The following USP13 variants were observed in gnomAD, a reference collection of about 807,000 sequenced individuals.
USP13 encodes ubiquitin specific peptidase 13.
A neutral mutation model predicts 107.8 loss-of-function variants in USP13; 68 were observed. The observed-to-expected ratio is 0.63, with a 90% CI of 0.52 to 0.77. The LOEUF is 0.77. Ranked by LOEUF, USP13 falls within the 30% of genes least tolerant of loss-of-function variation. The pLI, the probability that USP13 is intolerant of heterozygous loss-of-function variation, is 0.00. For synonymous variants in USP13, 377 were observed against 389.5 expected (o/e 0.97, Z 0.38); for missense variants, 945 against 1,093.3 (o/e 0.86, Z 1.91).
chr3:179,682,065 G>A, intron 2 of USP13, 62 bp downstream of exon 2: 1 of 1,523,352 alleles, frequency 6.6e-7, no homozygotes, highest in Non-Finnish European at 8.9e-7. Context: ...GTCTCAGTGT[G>A]CTTTCTCACG....
chr3:179,739,415 C>G (rs1268288251), intron 10 of USP13, among the ~76,000 whole-genome samples: 2 of 152,200 alleles, frequency 1.3e-5, no homozygotes, highest in Non-Finnish European at 2.9e-5. Context: ...TGAGCTTGAG[C>G]AGCTCTGCAG....
intron 14 of USP13, 94 bp from the exon 15 acceptor site, chr3:179,754,638 T>A (rs570517810): frequency 4.3e-6 from 6 of 1,398,800 alleles, no homozygotes. Flanking sequence ...ATCCCTTAGC[T>A]CTGTCTAGAC....
Position 179,653,775 on chromosome 3 carries a change from A to G in USP13, c.168+382A>G. The G allele has an allele frequency of 5.4e-6, 1 of 184,452 alleles. No individual in the cohort carries two copies. The highest frequency in any genetic ancestry group is 1.3e-4 in the South Asian group (1 of 7,712). 11.4% of individuals were successfully genotyped at this position (184,452 alleles called of 1,614,324 possible). On this transcript the variant is annotated intron_variant, in intron 1 of 20. Transcript: ENST00000263966. The surrounding 1 kb of genome is among the most constrained non-coding windows in gnomAD (Gnocchi z 4.0). ...GGTAGGTGGACGGGATGATCCCCCC[A>G]CACCCCGGGACACACACAGCCCTTC...
At chr3:179,684,840 G>A (rs985112721) in intron 2 of USP13, among the ~76,000 whole-genome samples, 10 of 149,978 alleles carry the variant, frequency 6.7e-5, no homozygotes, top group Non-Finnish European at 1.3e-4. Flanking sequence ...GAATTTTCCT[G>A]GGTATTTCTA....
At chr3:179,735,413 G>A (rs1324151295) in intron 10 of USP13, among the ~76,000 whole-genome samples, 2 of 147,798 alleles carry the variant, frequency 1.4e-5, no homozygotes, top group African/African-American at 5.1e-5. Context: ...TCCAGAGCCT[G>A]ACCTTTTTTT....
chr3:179,703,158 AAG>A, intron 4 of USP13, among the ~76,000 whole-genome samples: 1 of 152,312 alleles, frequency 6.6e-6, no homozygotes, highest in South Asian at 2.1e-4. Context: ...ATGAAAAAAG[AAG>A]AGAGAATTAT....
intron 2 of USP13, among the ~76,000 whole-genome samples, chr3:179,687,486 C>T (rs1040259774): frequency 1.3e-5 from 2 of 151,050 alleles, no homozygotes; most frequent in Non-Finnish European, 3.0e-5. Flanking sequence ...ATGGAGAAAC[C>T]CTGTCTCTAC....
chr3:179,730,625 A>G lies in USP13; in HGVS notation c.1170A>G (p.Leu390=), dbSNP rs141041980. The G allele has an allele frequency of 5.6e-5, 90 of 1,613,888 alleles. No homozygotes were observed. In the African/African-American group the frequency reaches 1.1e-3, roughly 19 times the overall value. ...TCTCTGTCCTGGCCAGGACTAAGTT[A>G]GGACATGGCCTTCTCTCAGGCCAGT... ...TQDFNTQMTK[L]GHGLLSGQYS... is the part of the protein sequence containing the mutation. Residue 390 remains leucine (L), a synonymous_variant, in exon 10 of 21, where the codon TTA becomes TTG. Transcript: ENST00000263966.
chr3:179,715,791 C>A (rs902061973), intron 6 of USP13, among the ~76,000 whole-genome samples: 1 of 152,152 alleles, frequency 6.6e-6, no homozygotes, highest in African/African-American at 2.4e-5. Flanking sequence ...GTGGACAGAT[C>A]TGCACTGACT....
chr3:179,728,809 G>A (rs1304712196), intron 8 of USP13, among the ~76,000 whole-genome samples: 7 of 152,116 alleles, frequency 4.6e-5, no homozygotes, highest in Non-Finnish European at 1.0e-4. Flanking sequence ...GCGAAACCCC[G>A]TCTCCACCAA....
At chr3:179,659,373 C>T (rs1182649563) in intron 1 of USP13, among the ~76,000 whole-genome samples, 1 of 152,122 alleles carries the variant, frequency 6.6e-6, no homozygotes, top group Non-Finnish European at 1.5e-5. Flanking sequence ...GTATATAGAG[C>T]AGTTTTCAAA....
intron 6 of USP13, among the ~76,000 whole-genome samples, chr3:179,719,399 CG>C (rs1017854896): frequency 2.0e-5 from 3 of 152,056 alleles, no homozygotes; most frequent in African/African-American, 7.2e-5. Flanking sequence ...GAAGGGATGT[CG>C]GGGGCAAGTG....
rs931681147 is a variant in USP13 at position 179,784,938 on chromosome 3, A to T, written c.*797A>T. On this transcript the variant is annotated 3_prime_UTR_variant, in exon 21 of 21. Coordinates refer to ENST00000263966, the MANE Select transcript of USP13 (RefSeq NM_003940.3). ...CCCACTTAGATTTTTAAGGAGTAAA[A>T]AGGGCTGAGTTATGCCTTTAAGTGC... The T allele has an allele frequency of 6.6e-6, 1 of 152,212 alleles. No homozygotes were observed. Among genetic ancestry groups the T allele is most frequent in the African/African-American group, 2.4e-5 (1 of 41,448 alleles). The allele number at this position is 152,212 out of a possible 1,614,324, so 9.4% of individuals were successfully genotyped here.
At chr3:179,753,629 T>C (rs899498549) in intron 14 of USP13, among the ~76,000 whole-genome samples, 3 of 152,210 alleles carry the variant, frequency 2.0e-5, no homozygotes, top group Non-Finnish European at 2.9e-5. Flanking sequence ...TTGATTTTGA[T>C]GGTGAGTTTT....
rs75498037 is a variant in USP13 at position 179,705,270 on chromosome 3, G to A, written c.478-1664G>A. ...ATGATCAGCTCACTGTGCAGGATAT[G>A]AGTGATGTAGATTACAAATTTTGTT... On this transcript the variant is annotated intron_variant, in intron 4 of 20. Coordinates refer to ENST00000263966, the MANE Select transcript of USP13 (RefSeq NM_003940.3). Among the ~76,000 whole-genome samples, 469 of 152,308 alleles carry A rather than the reference G, an allele frequency of 3.1e-3. 2 individuals carry two copies. Among genetic ancestry groups the A allele is most frequent in the African/African-American group, 0.011 (450 of 41,562 alleles).
chr3:179,752,390 TG>T lies in USP13; in HGVS notation c.1798+18del, dbSNP rs1714644742. The T allele has an allele frequency of 1.9e-6, 3 of 1,592,082 alleles. No individual in the cohort carries two copies. The highest frequency in any genetic ancestry group is 2.6e-6 in the Non-Finnish European group (3 of 1,160,228). ...AAAAATTTGGTAGGTATCTTTTGCG[TG>T]CTTTTGCTTAAAACATCAAATGAGC... On this transcript the variant is annotated intron_variant, in intron 14 of 20. Transcript: ENST00000263966.
chr3:179,739,866 T>G (rs1412746401), intron 10 of USP13, among the ~76,000 whole-genome samples: 1 of 152,196 alleles, frequency 6.6e-6, no homozygotes, highest in Non-Finnish European at 1.5e-5. Flanking sequence ...GCCTCTCTTT[T>G]AACTTCCATC....
chr3:179,657,244 G>A (rs997555562), intron 1 of USP13, among the ~76,000 whole-genome samples: 4 of 152,100 alleles, frequency 2.6e-5, no homozygotes, highest in African/African-American at 7.2e-5. Context: ...AGGCCGGGGC[G>A]CGGTGGCTAA....
intron 10 of USP13, among the ~76,000 whole-genome samples, chr3:179,735,973 G>A (rs1027497049): frequency 6.6e-6 from 1 of 152,164 alleles, no homozygotes; most frequent in Non-Finnish European, 1.5e-5. Context: ...CCAAGGGTTT[G>A]AGGATGCAGT....
Sources: gnomAD v4.1 joint callset for allele counts (sites outside exome capture counted in the v4.1 genomes callset) on GRCh38, gnomAD v4.1.1 for gene constraint, Gnocchi (gnomAD v3.1) non-coding constraint, MANE v1.5 for transcripts, NCBI Gene and HGNC (gene_info 2026-07-23, HGNC 2026-07-21) for gene names.